Variants in DSCAM observed in about 807,000 individuals in gnomAD.
DSCAM encodes DS cell adhesion molecule.
A neutral mutation model predicts 217.7 loss-of-function variants in DSCAM; 47 were observed. The observed-to-expected ratio is 0.22, with a 90% CI of 0.17 to 0.28. The LOEUF (loss-of-function observed/expected upper bound fraction) is 0.28, where lower values mean the gene tolerates loss of function less well. Ranked by LOEUF, DSCAM falls within the 10% of genes least tolerant of loss-of-function variation. The pLI, the probability that DSCAM is intolerant of heterozygous loss-of-function variation, is 1.00. For synonymous variants in DSCAM, 1,056 were observed against 1,015.3 expected (o/e 1.04, Z -0.76); for missense variants, 2,080 against 2,618.3 (o/e 0.79, Z 4.49).
At chr21:40,837,805 T>C (rs1423392185) in intron 1 of DSCAM, among the ~76,000 whole-genome samples, 1 of 152,226 alleles carries the variant, frequency 6.6e-6, no homozygotes, top group Non-Finnish European at 1.5e-5. Flanking sequence ...GAGGCCATTG[T>C]TGTCATTGTT....
chr21:40,339,653 G>A (rs2074467808), intron 6 of DSCAM, among the ~76,000 whole-genome samples: 1 of 100,854 alleles, frequency 9.9e-6, no homozygotes, highest in Non-Finnish European at 2.3e-5. Context: ...ATTGACTTAA[G>A]AGGAATGGTA....
At chr21:40,563,618 T>TTACATG (rs1486234027) in intron 3 of DSCAM, among the ~76,000 whole-genome samples, 1 of 124,214 alleles carries the variant, frequency 8.1e-6, no homozygotes, top group African/African-American at 3.5e-5. Context: ...GTTTACATGT[T>TTACATG]TATATATAGT....
chr21:40,732,979 A>G (rs1418199485), intron 1 of DSCAM, among the ~76,000 whole-genome samples: 1 of 152,226 alleles, frequency 6.6e-6, no homozygotes, highest in Non-Finnish European at 1.5e-5. Context: ...GCGACAGTTA[A>G]AGATTAATAT....
At chr21:40,211,306 T>C (rs2091181825) in intron 11 of DSCAM, among the ~76,000 whole-genome samples, 2 of 152,230 alleles carry the variant, frequency 1.3e-5, no homozygotes, top group South Asian at 4.1e-4. Flanking sequence ...TGTTGCTGTT[T>C]GTCCAGAATT....
At chr21:40,225,546 CTTCT>C (rs1456342293) in intron 11 of DSCAM, among the ~76,000 whole-genome samples, 1 of 152,146 alleles carries the variant, frequency 6.6e-6, no homozygotes, top group Non-Finnish European at 1.5e-5. Context: ...CTCCTCCACC[CTTCT>C]TTGTGTGTGG....
At chr21:40,574,165 A>T (rs1486566545) in intron 3 of DSCAM, among the ~76,000 whole-genome samples, 1 of 152,146 alleles carries the variant, frequency 6.6e-6, no homozygotes, top group African/African-American at 2.4e-5. Flanking sequence ...TAAACCTACA[A>T]AAAACATTAT....
intron 11 of DSCAM, among the ~76,000 whole-genome samples, chr21:40,237,545 C>T (rs1419841580): frequency 6.6e-6 from 1 of 152,200 alleles, no homozygotes; most frequent in Non-Finnish European, 1.5e-5. Flanking sequence ...GATATAAACT[C>T]ATCCTTTTTT....
intron 32 of DSCAM, among the ~76,000 whole-genome samples, chr21:40,027,350 G>A (rs1268477817): frequency 1.3e-5 from 2 of 152,232 alleles, no homozygotes; most frequent in Non-Finnish European, 2.9e-5. Context: ...TGACAATTAT[G>A]TGTCTTGGAG....
chr21:40,048,520 C>T (rs2088878627), intron 30 of DSCAM, among the ~76,000 whole-genome samples: 1 of 152,190 alleles, frequency 6.6e-6, no homozygotes, highest in South Asian at 2.1e-4. Flanking sequence ...TTCTTCCATC[C>T]TCATAAGAAT....
intron 6 of DSCAM, among the ~76,000 whole-genome samples, chr21:40,341,857 G>C (rs7280223): frequency 6.6e-6 from 1 of 152,002 alleles, no homozygotes; most frequent in African/African-American, 2.4e-5. Context: ...AGAGCAGTCC[G>C]TATCACCCAT....
chr21:40,408,353 C>A (rs879653858), intron 3 of DSCAM, among the ~76,000 whole-genome samples: 1 of 151,954 alleles, frequency 6.6e-6, no homozygotes, highest in African/African-American at 2.4e-5. Context: ...AATAGATTAT[C>A]ATTAGAATGG....
At chr21:40,653,126 T>C (rs1197331835) in intron 3 of DSCAM, among the ~76,000 whole-genome samples, 1 of 152,220 alleles carries the variant, frequency 6.6e-6, no homozygotes, top group Admixed American at 6.5e-5. Flanking sequence ...CTTTTTCCTT[T>C]GCTGATTTTA....
chr21:40,462,093 A>C (rs2075810470), intron 3 of DSCAM, among the ~76,000 whole-genome samples: 1 of 152,232 alleles, frequency 6.6e-6, no homozygotes, highest in African/African-American at 2.4e-5. Context: ...CAGGAAGATA[A>C]GGAGGCAGTA....
At chr21:40,345,228 C>G (rs146554890) in intron 6 of DSCAM, among the ~76,000 whole-genome samples, 301 of 152,222 alleles carry the variant, frequency 2.0e-3, no homozygotes, top group Middle Eastern at 3.4e-3. Flanking sequence ...ACATCTGGGT[C>G]CTCTCATGAT....
At chr21:40,639,388 T>C (rs2089849189) in intron 3 of DSCAM, among the ~76,000 whole-genome samples, 1 of 152,198 alleles carries the variant, frequency 6.6e-6, no homozygotes, top group Non-Finnish European at 1.5e-5. Context: ...ATGTGATACT[T>C]AGATACTGAC....
intron 3 of DSCAM, among the ~76,000 whole-genome samples, chr21:40,512,726 G>C (rs2076269505): frequency 6.6e-6 from 1 of 151,860 alleles, no homozygotes; most frequent in African/African-American, 2.4e-5. Context: ...CGCCATAAGA[G>C]TAACAGTGCT....
chr21:40,044,906 T>C (rs74972458), intron 30 of DSCAM, among the ~76,000 whole-genome samples: 1 of 152,324 alleles, frequency 6.6e-6, no homozygotes, highest in East Asian at 1.9e-4. Context: ...CCAAAAGACA[T>C]GTTCATGTCC....
chr21:40,306,911 G>A (rs1280075159), intron 9 of DSCAM, among the ~76,000 whole-genome samples: 1 of 151,724 alleles, frequency 6.6e-6, no homozygotes, highest in Non-Finnish European at 1.5e-5. Flanking sequence ...CTCTTTTTTG[G>A]TTGTGTCTCT....
chr21:40,823,315 T>G (rs1044824734), intron 1 of DSCAM, among the ~76,000 whole-genome samples: 6 of 151,594 alleles, frequency 4.0e-5, no homozygotes, highest in African/African-American at 1.5e-4. Context: ...ATTAAGCTGC[T>G]CAACGAAAAA....
Sources: gnomAD v4.1 joint callset for allele counts (sites outside exome capture counted in the v4.1 genomes callset) on GRCh38, gnomAD v4.1.1 for gene constraint, MANE v1.5 for transcripts, NCBI Gene and HGNC (gene_info 2026-07-23, HGNC 2026-07-21) for gene names.